SOX5: variants seen among roughly 807,000 people sequenced by gnomAD.
SOX5 encodes the protein SRY-box transcription factor 5.
In SOX5, 9 loss-of-function variants were observed where a neutral mutation model predicts 92.0. That is an observed-to-expected ratio of 0.10 (90% CI 0.06 to 0.17). SOX5 has a LOEUF of 0.17. Ranked by LOEUF, SOX5 falls within the 10% of genes least tolerant of loss-of-function variation. The probability of loss-of-function intolerance (pLI) is 1.00; values close to 1 mark genes in which losing one functional copy is unlikely to be tolerated. For synonymous variants in SOX5, 344 were observed against 336.3 expected, an observed-to-expected ratio of 1.02 and a Z score of -0.25; for missense variants, 642 against 944.5, an observed-to-expected ratio of 0.68 and a Z score of 4.20.
At chr12:24,341,463 C>T (rs984357612) in intron 2 of SOX5, among the ~76,000 whole-genome samples, 1 of 152,260 alleles carries the variant, frequency 6.6e-6, no homozygotes, top group African/African-American at 2.4e-5. Flanking sequence ...GGTGACAGAA[C>T]GAAACCGTCT....
intron 4 of SOX5, among the ~76,000 whole-genome samples, chr12:24,150,005 CAGAT>C (rs941478698): frequency 2.6e-5 from 4 of 152,128 alleles, no homozygotes; most frequent in South Asian, 2.1e-4. Flanking sequence ...TGACAGAAAA[CAGAT>C]AGGGACATGA....
At position 24,170,537 on chromosome 12, in the gene SOX5, C is replaced by T. The variant is rs373985165; in HGVS notation, c.-2+42806G>A. On this transcript the variant is annotated intron_variant, in intron 4 of 4. Transcript: ENST00000446891. The stretch of plus-strand genomic sequence containing the variant: ...TAGGACCTCTGTCACTTGTGTTCCA[C>T]GTGTTTCTGATGGCATTTGCAGCCC... Among the ~76,000 whole-genome samples the T allele has an allele frequency of 1.1e-4, 17 of 152,312 alleles. No homozygotes were observed. The East Asian group carries it at 1.7e-3, about 16-fold the overall frequency.
intron 4 of SOX5, among the ~76,000 whole-genome samples, chr12:24,081,166 A>G (rs898322861): frequency 6.6e-6 from 1 of 151,990 alleles, no homozygotes; most frequent in Non-Finnish European, 1.5e-5. Flanking sequence ...TGGCTTCCCC[A>G]TAACTCTACA....
chr12:23,925,523 C>T (rs1939711259), intron 1 of SOX5, among the ~76,000 whole-genome samples: 1 of 152,016 alleles, frequency 6.6e-6, no homozygotes, highest in South Asian at 2.1e-4. Flanking sequence ...AACTCCATCA[C>T]AAGGTCAAGT....
Position 23,839,005 on chromosome 12 carries a change from A to AT in SOX5, c.481+6977dup, listed in dbSNP as rs200262997. On this transcript the variant is annotated intron_variant, in intron 3 of 14. Coordinates refer to ENST00000451604, the MANE Select transcript of SOX5 (RefSeq NM_006940.6). ...CAGGTGCCCACCACCACACCCAGCT[A>AT]TTTTTTTTTTTTTTTGTATTTTTAG... is the stretch of plus-strand genomic sequence containing the variant. Among the ~76,000 whole-genome samples, 1,340 of 138,200 alleles carry AT rather than the reference A, an allele frequency of 9.7e-3. 4 individuals are homozygous for AT. The highest frequency in any genetic ancestry group is 0.012 in the Non-Finnish European group (786 of 63,096). The allele number at this position is 138,200 out of a possible 152,430, so 90.7% of individuals were successfully genotyped here.
chr12:24,526,608 G>A (rs942419609), intron 1 of SOX5, among the ~76,000 whole-genome samples: 4 of 152,056 alleles, frequency 2.6e-5, no homozygotes, highest in Admixed American at 1.3e-4. Context: ...TAACAAAAGC[G>A]CAAGAAGAAA....
At chr12:23,868,787 T>A (rs1341808608) in intron 2 of SOX5, among the ~76,000 whole-genome samples, 1 of 152,240 alleles carries the variant, frequency 6.6e-6, no homozygotes, top group African/African-American at 2.4e-5. Context: ...TAGGCTTTTT[T>A]ATTCAATGTT....
intron 1 of SOX5, among the ~76,000 whole-genome samples, chr12:24,542,886 T>C (rs776594468): frequency 4.6e-5 from 7 of 152,320 alleles, no homozygotes; most frequent in Non-Finnish European, 8.8e-5. Context: ...TTTTAATAAA[T>C]CAAAACTAAG....
intron 1 of SOX5, among the ~76,000 whole-genome samples, chr12:23,911,723 C>G (rs1034699200): frequency 6.6e-6 from 1 of 152,066 alleles, no homozygotes; most frequent in African/African-American, 2.4e-5. Context: ...ATGACTCCCA[C>G]TAATTATGCA....
intron 2 of SOX5, among the ~76,000 whole-genome samples, chr12:23,852,752 G>T (rs1172128740): frequency 6.6e-6 from 1 of 152,042 alleles, no homozygotes; most frequent in African/African-American, 2.4e-5. Context: ...GCAAACGGTG[G>T]TCCTCAAAAT....
intron 9 of SOX5, among the ~76,000 whole-genome samples, chr12:23,598,387 CTTTTTTTT>C (rs201719026): frequency 1.1e-5 from 1 of 95,128 alleles, no homozygotes; most frequent in Admixed American, 1.3e-4. Flanking sequence ...TGTGCTTTAT[CTTTTTTTT>C]TTTTTTTTTT....
intron 4 of SOX5, among the ~76,000 whole-genome samples, chr12:24,104,354 A>G (rs1488961461): frequency 6.6e-6 from 1 of 152,212 alleles, no homozygotes; most frequent in Non-Finnish European, 1.5e-5. Flanking sequence ...TGAAAGCCAA[A>G]AACTTATTTT....
chr12:24,121,730 T>TA (rs1408990947), intron 4 of SOX5, among the ~76,000 whole-genome samples: 1 of 150,124 alleles, frequency 6.7e-6, no homozygotes, highest in Non-Finnish European at 1.5e-5. Context: ...CTACTAAAAA[T>TA]AAAAAATCAG....
At chr12:23,987,785 C>A (rs1181966193) in intron 4 of SOX5, among the ~76,000 whole-genome samples, 3 of 152,114 alleles carry the variant, frequency 2.0e-5, no homozygotes, top group African/African-American at 7.2e-5. Flanking sequence ...AGAGCTAGAC[C>A]CTGCCTTGAA....
chr12:24,370,194 G>A (rs1042114165), intron 1 of SOX5, among the ~76,000 whole-genome samples: 1 of 152,128 alleles, frequency 6.6e-6, no homozygotes, highest in Admixed American at 6.5e-5. Context: ...CTGGTTTTTG[G>A]CCGTGCGCGG....
chr12:24,161,684 C>A (rs74068413), intron 4 of SOX5, among the ~76,000 whole-genome samples: 2,035 of 152,066 alleles, frequency 0.013, 39 homozygotes, highest in African/African-American at 0.043. Flanking sequence ...TTAAAGTAGA[C>A]AATTTAAAAG....
rs572149491 is a variant in SOX5 at position 24,325,292 on chromosome 12, T to A, written c.-174+43271A>T. Among the ~76,000 whole-genome samples the A allele has an allele frequency of 5.9e-5, 9 of 152,294 alleles. No individual in the cohort carries two copies. In the South Asian group the frequency reaches 1.7e-3, roughly 28 times the overall value. On this transcript the variant is annotated intron_variant, in intron 2 of 4. Transcript: ENST00000446891. ...CCATGAAAAATTTAAAAGATATATA[T>A]CCATAGATGAAAATTATGAGTGCAA... is the stretch of plus-strand genomic sequence containing the variant.
intron 4 of SOX5, among the ~76,000 whole-genome samples, chr12:24,006,729 C>A (rs1952212874): frequency 6.6e-6 from 1 of 151,822 alleles, no homozygotes; most frequent in Non-Finnish European, 1.5e-5. Flanking sequence ...TTAGTCCTCA[C>A]CTGTCTTATT....
intron 1 of SOX5, among the ~76,000 whole-genome samples, chr12:23,908,028 A>G (rs1338469526): frequency 6.6e-6 from 1 of 152,024 alleles, no homozygotes; most frequent in African/African-American, 2.4e-5. Flanking sequence ...CTCCCATCTC[A>G]CATTACTGGC....
Sources: gnomAD v4.1 joint callset for allele counts (sites outside exome capture counted in the v4.1 genomes callset) on GRCh38, gnomAD v4.1.1 for gene constraint, MANE v1.5 for transcripts, NCBI Gene and HGNC (gene_info 2026-07-23, HGNC 2026-07-21) for gene names.